Variants in ARMCX4 observed in about 807,000 individuals in gnomAD.
ARMCX4 encodes the protein armadillo repeat containing X-linked 4.
Under a neutral mutation model 34.7 loss-of-function variants are expected in ARMCX4, and 3 were observed. The observed-to-expected ratio is 0.09, with a 90% CI of 0.04 to 0.22. ARMCX4 has a LOEUF of 0.22. Among genes scored for constraint, ARMCX4 ranks in the 10% least tolerant of loss-of-function variants. The pLI is 1.00. For missense variants in ARMCX4, 1,448 were observed against 1,720.8 expected (o/e 0.84, Z 2.81); for synonymous variants, 513 against 632.8 (o/e 0.81, Z 2.84).
intron 4 of ARMCX4, among the ~76,000 whole-genome samples, chrX:101,457,670 C>T (rs370996266): frequency 9.0e-6 from 1 of 111,025 alleles, no homozygotes; most frequent in Admixed American, 9.5e-5. Flanking sequence ...TGCAGTGAGC[C>T]GAGATCGCGC....
intron 11 of ARMCX4, among the ~76,000 whole-genome samples, chrX:101,517,227 T>C (rs782695310): frequency 1.8e-5 from 2 of 112,816 alleles, no homozygotes; most frequent in East Asian, 5.5e-4. Context: ...AGTTGTATTC[T>C]GATTTAGAAA....
At chrX:101,507,988 C>T (rs1934494473) in intron 8 of ARMCX4, among the ~76,000 whole-genome samples, 1 of 111,928 alleles carries the variant, frequency 8.9e-6, no homozygotes, top group Admixed American at 9.5e-5. Context: ...AACACATTAC[C>T]TTTTCTATGT....
intron 7 of ARMCX4, among the ~76,000 whole-genome samples, chrX:101,503,500 T>A (rs1176818206): frequency 1.8e-5 from 2 of 112,044 alleles, no homozygotes; most frequent in Non-Finnish European, 3.8e-5. Flanking sequence ...AGATGGTATC[T>A]CATTGTGGTT....
rs1934040422 is a variant in ARMCX4 at position 101,492,926 on chromosome X, A to G, written c.4337A>G (p.Asn1446Ser). The stretch of plus-strand genomic sequence containing the variant: ...TTAGTTGGGATTGTGGACCAGGCCA[A>G]TGGAGGGTCCTGGACTGGGGCTGGG... ...GFLVGIVDQA[N>S]GGSWTGAGHP... The change falls in exon 6 of 6, where the codon AAT (asparagine) becomes AGT (serine). Residue 1446 changes from asparagine to serine, a missense_variant. Physicochemically the swap from Asn to Ser is conservative, Grantham distance 46. Transcript: ENST00000423738. 4 of 1,149,388 alleles carry G rather than the reference A, an allele frequency of 3.5e-6. No homozygotes were observed. The highest frequency in any genetic ancestry group is 4.6e-6 in the Non-Finnish European group (4 of 869,459). The allele number at this position is 1,149,388 out of a possible 1,213,427, so 94.7% of individuals were successfully genotyped here. A position where few individuals can be genotyped will look rare whatever the true frequency, so the allele number is the denominator to read the frequency against.
intron 4 of ARMCX4, among the ~76,000 whole-genome samples, chrX:101,453,060 AG>A (rs1166584630): frequency 9.0e-6 from 1 of 110,520 alleles, no homozygotes; most frequent in Non-Finnish European, 1.9e-5. Context: ...ACGGTTAGAT[AG>A]TTTTTTTTAG....
Position 101,489,874 on chromosome X carries a change from A to G in ARMCX4, c.1285A>G (p.Lys429Glu). 1 of 1,156,299 alleles carries G rather than the reference A, an allele frequency of 8.6e-7. No individual in the cohort carries two copies. Reference sequence around the variant, plus strand: ...CAGAGGCAATCCCAATGCCATGACTAAAGCAGGGGCCAAGGCAAACTTGAG... The same window carrying G: ...CAGAGGCAATCCCAATGCCATGACTGAAGCAGGGGCCAAGGCAAACTTGAG... ...KNRGNPNAMT[K>E]AGAKANLRAN... Residue 429 changes from lysine (K) to glutamate (E), a missense_variant, in exon 6 of 6, where the codon AAA (lysine) becomes GAA (glutamate). Transcript: ENST00000423738.
At chrX:101,420,284 A>G (rs1382929367) in intron 2 of ARMCX4, among the ~76,000 whole-genome samples, 1 of 111,489 alleles carries the variant, frequency 9.0e-6, no homozygotes, top group African/African-American at 3.3e-5. Context: ...ACTTGAATGC[A>G]GGAGGCGGAG....
Position 101,489,220 on chromosome X carries a change from G to A in ARMCX4, c.631G>A (p.Glu211Lys). The change falls in exon 6 of 6, where the codon GAG (glutamate) becomes AAG (lysine). Residue 211 changes from glutamate (E) to lysine (K), a missense_variant. Physicochemically the swap from Glu to Lys is moderately conservative, Grantham distance 56 (BLOSUM62 1). Coordinates refer to ENST00000423738, the MANE Select transcript of ARMCX4 (RefSeq NM_001256155.3). ...EINRVMVTQS[E>K]TLAVPREVAK... ...TAACAGAGTAATGGTTACACAGAGTGAGACCTTGGCAGTACCCAGGGAAGT... is the reference window on the plus strand; with the variant it reads ...TAACAGAGTAATGGTTACACAGAGTAAGACCTTGGCAGTACCCAGGGAAGT... 4 of 1,155,310 alleles carry A rather than the reference G, an allele frequency of 3.5e-6. No homozygotes were observed. The highest frequency in any genetic ancestry group is 4.6e-6 in the Non-Finnish European group (4 of 872,327).
At chrX:101,526,726 A>T (rs934070186) in intron 11 of ARMCX4, among the ~76,000 whole-genome samples, 2 of 111,966 alleles carry the variant, frequency 1.8e-5, no homozygotes, top group Admixed American at 1.9e-4. Flanking sequence ...AAAGATCAAA[A>T]GACAAAGAAG....
At chrX:101,515,525 T>TTA (rs1934724653) in intron 11 of ARMCX4, among the ~76,000 whole-genome samples, 2 of 45,927 alleles carry the variant, frequency 4.4e-5, no homozygotes, top group Non-Finnish European at 8.6e-5. Flanking sequence ...CTTTCCCTCT[T>TTA]TCTCTCTTTA....
At chrX:101,422,384 G>A (rs1448945045) in intron 2 of ARMCX4, among the ~76,000 whole-genome samples, 5 of 109,428 alleles carry the variant, frequency 4.6e-5, no homozygotes, top group Admixed American at 2.9e-4. Flanking sequence ...TGATCAGTCA[G>A]GTTGGAGATG....
intron 8 of ARMCX4, among the ~76,000 whole-genome samples, chrX:101,508,817 A>G (rs1934515732): frequency 9.0e-6 from 1 of 111,616 alleles, no homozygotes; most frequent in African/African-American, 3.3e-5. Context: ...ACTTCCCACT[A>G]TGGGAGATGA....
chrX:101,533,884 G>A (rs1556022797), downstream of ARMCX4, among the ~76,000 whole-genome samples: 1 of 111,081 alleles, frequency 9.0e-6, no homozygotes, highest in Non-Finnish European at 1.9e-5. Context: ...ATTGATATTG[G>A]AAAGGAAGGG....
At chrX:101,515,465 T>TCCTTCCTTCCTC (rs1452494421) in intron 11 of ARMCX4, among the ~76,000 whole-genome samples, 5 of 27,764 alleles carry the variant, frequency 1.8e-4, no homozygotes, top group Non-Finnish European at 2.7e-4. Flanking sequence ...CTTCCTTCCT[T>TCCTTCCTTCCTC]CCTCCCTCCC....
intron 10 of ARMCX4, among the ~76,000 whole-genome samples, chrX:101,510,506 T>C (rs1267580369): frequency 2.7e-5 from 3 of 112,003 alleles, no homozygotes; most frequent in African/African-American, 9.7e-5. Flanking sequence ...GGTCTGTTTT[T>C]GAAACATTTA....
intron 4 of ARMCX4, among the ~76,000 whole-genome samples, chrX:101,475,036 C>T (rs1193336879): frequency 4.6e-5 from 5 of 109,168 alleles, no homozygotes; most frequent in African/African-American, 1.3e-4. Context: ...GGTCCAGGCA[C>T]GGTGGCTCAT....
At chrX:101,487,071 T>C (rs1240911742) in intron 2 of ARMCX4, 122 bp from the exon 3 acceptor site, 1 of 106,180 alleles carries the variant, frequency 9.4e-6, no homozygotes, top group Non-Finnish European at 1.9e-5. Context: ...TTTTTTTTTT[T>C]TTTTTCTGCC....
chrX:101,433,079 T>C (rs1930333309), intron 2 of ARMCX4, among the ~76,000 whole-genome samples: 1 of 110,408 alleles, frequency 9.1e-6, no homozygotes, highest in South Asian at 3.6e-4. Flanking sequence ...TATACACATA[T>C]GTATACATAT....
downstream of ARMCX4, among the ~76,000 whole-genome samples, chrX:101,497,430 G>T (rs1355817270): frequency 4.5e-5 from 5 of 110,075 alleles, no homozygotes; most frequent in African/African-American, 1.7e-4. Context: ...GTAGAGACGG[G>T]GTTTCACCAT....
Sources: allele counts gnomAD v4.1 joint callset (sites outside exome capture counted in the v4.1 genomes callset), GRCh38; gene constraint gnomAD v4.1.1; transcripts MANE v1.5; gene names NCBI Gene and HGNC (gene_info 2026-07-23, HGNC 2026-07-21).